NELL2: variants seen among roughly 807,000 people sequenced by gnomAD.
NELL2 encodes the protein protein kinase C-binding protein NELL2.
NELL2 carries 41 observed loss-of-function variants against 109.6 expected under a neutral mutation model. The ratio of observed to expected loss-of-function variants is 0.37; its 90% CI spans 0.29 to 0.49. The LOEUF (loss-of-function observed/expected upper bound fraction) is 0.49. Ranked by LOEUF, NELL2 falls within the 20% of genes least tolerant of loss-of-function variation. The probability of loss-of-function intolerance (pLI) is 0.98; values close to 1 mark genes in which losing one functional copy is unlikely to be tolerated. For synonymous variants in NELL2, 355 were observed against 344.7 expected (o/e 1.03, Z -0.33); for missense variants, 900 against 1,008.3 (o/e 0.89, Z 1.45).
Position 44,656,835 on chromosome 12 carries a change from T to C in NELL2, c.1444+8649A>G, listed in dbSNP as rs567890330. ...GTACTTGTGATTTTGATAAATCCATTGAAAGCTATTTTTAAATAGCTGATA... is the reference window on the plus strand; with the variant it reads ...GTACTTGTGATTTTGATAAATCCATCGAAAGCTATTTTTAAATAGCTGATA... On this transcript the variant is annotated intron_variant, in intron 13 of 19. Transcript: ENST00000429094. 3.3e-5 allele frequency among the ~76,000 whole-genome samples: 5 copies of C among 152,326 alleles called. No homozygotes were observed. In the East Asian group the frequency reaches 9.6e-4, roughly 29 times the overall value.
intron 13 of NELL2, among the ~76,000 whole-genome samples, chr12:44,611,614 T>C (rs1172259527): frequency 6.6e-6 from 1 of 152,106 alleles, no homozygotes; most frequent in Non-Finnish European, 1.5e-5. Context: ...GTATCTGCTC[T>C]AACTGCTTAT....
intron 13 of NELL2, 104 bp from the exon 14 acceptor site, chr12:44,611,074 A>C (rs1592203979): frequency 9.3e-7 from 1 of 1,079,648 alleles, no homozygotes; most frequent in South Asian, 1.4e-5. Context: ...TCTTTCAACC[A>C]CAGACATAAC....
intron 3 of NELL2, among the ~76,000 whole-genome samples, chr12:44,798,311 A>G (rs1204405360): frequency 6.6e-6 from 1 of 152,004 alleles, no homozygotes; most frequent in Non-Finnish European, 1.5e-5. Flanking sequence ...GTGCATAGAA[A>G]AAGCAAAATA....
At chr12:44,612,944 C>T (rs941314929) in intron 13 of NELL2, among the ~76,000 whole-genome samples, 4 of 151,942 alleles carry the variant, frequency 2.6e-5, no homozygotes, top group African/African-American at 9.7e-5. Context: ...ACCTGGTTTC[C>T]TCTGTTGTCA....
chr12:44,683,760 G>C (rs1452530969), intron 12 of NELL2, among the ~76,000 whole-genome samples: 1 of 152,190 alleles, frequency 6.6e-6, no homozygotes, highest in African/African-American at 2.4e-5. Flanking sequence ...TTGCATCCCA[G>C]GGATGAAGCC....
rs570857882 is a variant in NELL2 at position 44,659,244 on chromosome 12, T to C, written c.1444+6240A>G. ...ATAAGACCTAAAACCATAAAATCTC[T>C]AGAAGAAAACCTAGGCAATACCATT... On this transcript the variant is annotated intron_variant, in intron 13 of 19. Coordinates refer to ENST00000429094, the MANE Select transcript of NELL2 (RefSeq NM_001145108.2). Among the ~76,000 whole-genome samples, 7 of 152,282 alleles carry C rather than the reference T, an allele frequency of 4.6e-5. No individual in the cohort carries two copies. In the East Asian group the frequency reaches 7.7e-4, roughly 17 times the overall value.
intron 1 of NELL2, among the ~76,000 whole-genome samples, chr12:44,912,978 G>A (rs1031237444): frequency 6.6e-6 from 1 of 152,146 alleles, no homozygotes; most frequent in South Asian, 2.1e-4. Context: ...CCCTAACTCA[G>A]TTGTTCTGAT....
rs1592043769 is a variant in NELL2, at chr12:44,508,815, G to A, written c.*119C>T. On this transcript the variant is annotated 3_prime_UTR_variant, in exon 20 of 20. Coordinates refer to ENST00000429094, the MANE Select transcript of NELL2 (RefSeq NM_001145108.2). Reference sequence around the variant, plus strand: ...AATTTCATAATTGAAAGTTCACTCAGCTATTAACAAAGCTGCATTTAGCTG... The same window carrying A: ...AATTTCATAATTGAAAGTTCACTCAACTATTAACAAAGCTGCATTTAGCTG... The A allele has an allele frequency of 3.8e-6, 3 of 799,872 alleles. No homozygotes were observed. The East Asian group carries it at 7.6e-5, about 20-fold the overall frequency. 49.5% of individuals were successfully genotyped at this position (799,872 alleles called of 1,614,324 possible).
At chr12:44,575,903 G>A (rs896441240) in intron 15 of NELL2, among the ~76,000 whole-genome samples, 2 of 152,012 alleles carry the variant, frequency 1.3e-5, no homozygotes, top group Non-Finnish European at 2.9e-5. Context: ...CTTCTCTTTG[G>A]CTGGAGGGTG....
At position 44,508,920 on chromosome 12, in the gene NELL2, T is replaced by A. The variant is rs1940850394; in HGVS notation, c.*14A>T. The A allele has an allele frequency of 3.1e-6, 5 of 1,602,796 alleles. No individual in the cohort carries two copies. The highest frequency in any genetic ancestry group is 3.4e-6 in the Non-Finnish European group (4 of 1,171,174). ...ACATTCTTTTAACAGAAATCTCCCA[T>A]GAGACAGTTAACTTCACAGTTCCTG... is the stretch of plus-strand genomic sequence containing the variant. On this transcript the variant is annotated 3_prime_UTR_variant, in exon 20 of 20. Transcript: ENST00000429094.
chr12:44,647,950 G>GT (rs1463102709), intron 13 of NELL2, among the ~76,000 whole-genome samples: 1 of 152,198 alleles, frequency 6.6e-6, no homozygotes, highest in Non-Finnish European at 1.5e-5. Context: ...GATGCATCAT[G>GT]TGGTTGGAAG....
intron 3 of NELL2, among the ~76,000 whole-genome samples, chr12:44,780,676 G>T (rs575975589): frequency 6.6e-6 from 1 of 151,910 alleles, no homozygotes; most frequent in Admixed American, 6.6e-5. Context: ...CCCTTTCCCC[G>T]CTGGGATAGT....
intron 1 of NELL2, among the ~76,000 whole-genome samples, chr12:44,892,310 G>A (rs1157899710): frequency 1.3e-5 from 2 of 152,090 alleles, no homozygotes. Context: ...GTCCAACTGG[G>A]CAGGTCAAAG....
intron 16 of NELL2, 136 bp from the exon 17 acceptor site, chr12:44,523,620 A>G: frequency 1.5e-6 from 1 of 678,760 alleles, no homozygotes; most frequent in Non-Finnish European, 2.5e-6. Flanking sequence ...TGCATTTGTG[A>G]TTAAATGTTG....
At chr12:44,794,330 A>G (rs1156583064) in intron 3 of NELL2, among the ~76,000 whole-genome samples, 2 of 152,166 alleles carry the variant, frequency 1.3e-5, no homozygotes, top group Non-Finnish European at 1.5e-5. Flanking sequence ...GTCAGCTATC[A>G]TTTCCATTTC....
intron 1 of NELL2, among the ~76,000 whole-genome samples, chr12:44,898,611 A>T (rs1194248954): frequency 6.6e-6 from 1 of 152,226 alleles, no homozygotes; most frequent in Non-Finnish European, 1.5e-5. Context: ...GGTCACCAAC[A>T]TCAAAGACCA....
At chr12:44,637,652 C>T (rs537834883) in intron 13 of NELL2, among the ~76,000 whole-genome samples, 6 of 149,816 alleles carry the variant, frequency 4.0e-5, no homozygotes, top group South Asian at 2.1e-4. Flanking sequence ...GACCTAACTG[C>T]GGGAAAAAGC....
At chr12:44,918,256 T>A (rs1945843090), upstream of NELL2, among the ~76,000 whole-genome samples, 1 of 152,204 alleles carries the variant, frequency 6.6e-6, no homozygotes, top group Admixed American at 6.5e-5. Context: ...TATATGGTGT[T>A]AATCTCACAT....
intron 12 of NELL2, among the ~76,000 whole-genome samples, chr12:44,697,150 A>T (rs2136407549): frequency 6.6e-6 from 1 of 152,348 alleles, no homozygotes; most frequent in East Asian, 1.9e-4. Context: ...ACTAAAGACC[A>T]AAACACTTCT....
Sources: allele counts gnomAD v4.1 joint callset (sites outside exome capture counted in the v4.1 genomes callset), GRCh38; gene constraint gnomAD v4.1.1; transcripts MANE v1.5; gene names NCBI Gene and HGNC (gene_info 2026-07-23, HGNC 2026-07-21).